Variants in GRID1 observed in about 807,000 individuals in gnomAD.
GRID1 encodes glutamate ionotropic receptor delta type subunit 1.
In GRID1, 28 loss-of-function variants were observed where a neutral mutation model predicts 98.0. The ratio of observed to expected loss-of-function variants is 0.29; its 90% CI spans 0.21 to 0.39. The LOEUF is 0.39. GRID1 is among the 10% of genes least tolerant of loss of function. The probability of loss-of-function intolerance (pLI) is 1.00; values close to 1 mark genes in which losing one functional copy is unlikely to be tolerated. For missense variants in GRID1, 1,111 were observed against 1,340.5 expected, an observed-to-expected ratio of 0.83 and a Z score of 2.67; for synonymous variants, 553 against 538.5, an observed-to-expected ratio of 1.03 and a Z score of -0.37.
intron 4 of GRID1, among the ~76,000 whole-genome samples, chr10:85,967,585 CT>C (rs1239556627): frequency 1.3e-5 from 2 of 151,972 alleles, no homozygotes; most frequent in African/African-American, 4.8e-5. Context: ...AAAATCGTGT[CT>C]AAAAAAATTA....
chr10:85,759,672 A>G (rs891168986), intron 8 of GRID1, among the ~76,000 whole-genome samples: 3 of 152,198 alleles, frequency 2.0e-5, no homozygotes, highest in African/African-American at 7.2e-5. Flanking sequence ...TGAAGGCGAA[A>G]TCATGTTTCT....
intron 5 of GRID1, among the ~76,000 whole-genome samples, chr10:85,879,437 T>C (rs375889363): frequency 2.6e-5 from 4 of 152,080 alleles, no homozygotes; most frequent in Non-Finnish European, 4.4e-5. Context: ...GACCACAGTG[T>C]AATCAAACTA....
intron 2 of GRID1, among the ~76,000 whole-genome samples, chr10:86,311,384 C>G (rs1308631178): frequency 6.6e-6 from 1 of 152,190 alleles, no homozygotes; most frequent in African/African-American, 2.4e-5. Context: ...CTAATCAGGA[C>G]AGCAGATGGG....
chr10:85,932,860 C>G (rs542592629), intron 4 of GRID1, among the ~76,000 whole-genome samples: 2 of 152,070 alleles, frequency 1.3e-5, no homozygotes, highest in African/African-American at 4.8e-5. Flanking sequence ...GAGGGAAAAT[C>G]GGCAGCAAAA....
Position 85,818,981 on chromosome 10 carries a change from A to C in GRID1, c.1233+35515T>G, listed in dbSNP as rs563604413. Among the ~76,000 whole-genome samples the C allele has an allele frequency of 2.6e-5, 4 of 152,258 alleles. No homozygotes were observed. In the East Asian group the frequency reaches 7.7e-4, roughly 29 times the overall value. On this transcript the variant is annotated intron_variant, in intron 8 of 15. Coordinates refer to ENST00000327946, the MANE Select transcript of GRID1 (RefSeq NM_017551.3). ...AGTGATCCGCCCGCCTCAGCCTCCC[A>C]AAGTGCTGGGATTACAGGAGTGAGC...
intron 2 of GRID1, among the ~76,000 whole-genome samples, chr10:86,242,773 T>C (rs998266450): frequency 6.6e-6 from 1 of 152,204 alleles, no homozygotes; most frequent in Non-Finnish European, 1.5e-5. Context: ...GTGCTTTGCA[T>C]GGTGACCTTG....
chr10:86,200,587 T>C (rs925246538), intron 3 of GRID1, among the ~76,000 whole-genome samples: 2 of 152,148 alleles, frequency 1.3e-5, no homozygotes, highest in African/African-American at 4.8e-5. Context: ...CTTTCTGACA[T>C]TCAGGTAGGA....
At chr10:85,884,027 A>G (rs914835809) in intron 5 of GRID1, among the ~76,000 whole-genome samples, 1 of 152,194 alleles carries the variant, frequency 6.6e-6, no homozygotes, top group African/African-American at 2.4e-5. Context: ...CACAATCATA[A>G]GAAAAAATCT....
chr10:85,715,804 T>C (rs1357866610), intron 12 of GRID1, among the ~76,000 whole-genome samples: 1 of 152,186 alleles, frequency 6.6e-6, no homozygotes, highest in Non-Finnish European at 1.5e-5. Context: ...TACTTCTTAA[T>C]ACAGAGCCAA....
At chr10:85,607,430 T>C (rs748493133) in intron 15 of GRID1, among the ~76,000 whole-genome samples, 11 of 152,150 alleles carry the variant, frequency 7.2e-5, no homozygotes, top group Non-Finnish European at 1.6e-4. Flanking sequence ...GGAGAAATGC[T>C]ACCAACACAA....
intron 13 of GRID1, among the ~76,000 whole-genome samples, chr10:85,639,613 C>T (rs1843090496): frequency 1.3e-5 from 2 of 152,176 alleles, no homozygotes; most frequent in South Asian, 4.1e-4. Context: ...GTGGCTCACG[C>T]CTGTAATCCC....
At chr10:85,876,150 C>G (rs1283990629) in intron 5 of GRID1, among the ~76,000 whole-genome samples, 1 of 152,152 alleles carries the variant, frequency 6.6e-6, no homozygotes, top group Non-Finnish European at 1.5e-5. Flanking sequence ...AACAAATTAT[C>G]ATAAACTTAG....
At chr10:85,881,232 C>A (rs933419498) in intron 5 of GRID1, among the ~76,000 whole-genome samples, 39 of 152,274 alleles carry the variant, frequency 2.6e-4, no homozygotes, top group Non-Finnish European at 5.3e-4. Flanking sequence ...CCATCCCCAT[C>A]AAGCTACCAA....
At chr10:85,984,793 C>A (rs868014416) in intron 4 of GRID1, among the ~76,000 whole-genome samples, 3 of 152,158 alleles carry the variant, frequency 2.0e-5, no homozygotes, top group Admixed American at 6.5e-5. Flanking sequence ...ACAGCCCCCA[C>A]CTTGAGTCCC....
At position 86,206,741 on chromosome 10, in the gene GRID1, C is replaced by T; in HGVS notation, c.236-93G>A. 1.7e-6 allele frequency: 2 copies of T among 1,211,958 alleles called. No individual in the cohort carries two copies. Among genetic ancestry groups the T allele is most frequent in the Non-Finnish European group, 2.3e-6 (2 of 865,508 alleles). 75.1% of individuals were successfully genotyped at this position (1,211,958 alleles called of 1,614,324 possible). On this transcript the variant is annotated intron_variant, in intron 2 of 15. Transcript: ENST00000327946. The surrounding 1 kb of genome is among the most constrained non-coding windows in gnomAD (Gnocchi z 4.1). ...AGGCCCCATGCCTGGCAGCTCATGC[C>T]CAGGACTCCCAAGAGAGGCTGCCTC...
intron 4 of GRID1, among the ~76,000 whole-genome samples, chr10:86,015,520 C>G (rs1275630510): frequency 6.6e-6 from 1 of 152,214 alleles, no homozygotes; most frequent in African/African-American, 2.4e-5. Flanking sequence ...TGCAAGCACT[C>G]TAAGAGAATA....
intron 2 of GRID1, among the ~76,000 whole-genome samples, chr10:86,335,658 G>C (rs74149541): frequency 0.077 from 11,707 of 152,206 alleles, 926 homozygotes; most frequent in East Asian, 0.43. Context: ...CACTCATGAG[G>C]TCTCTCTCAT....
chr10:85,639,401 G>C (rs1307125628), intron 13 of GRID1, among the ~76,000 whole-genome samples: 1 of 152,160 alleles, frequency 6.6e-6, no homozygotes, highest in African/African-American at 2.4e-5. Context: ...ATCTGCAAGC[G>C]GTTGTCTCTG....
At chr10:86,364,821 C>T (rs1439042389) in intron 1 of GRID1, among the ~76,000 whole-genome samples, 2 of 152,236 alleles carry the variant, frequency 1.3e-5, no homozygotes, top group Admixed American at 6.5e-5. Flanking sequence ...GCTGGGGGTC[C>T]CAGAAGGAGC....
Sources: gnomAD v4.1 joint callset for allele counts (sites outside exome capture counted in the v4.1 genomes callset) on GRCh38, gnomAD v4.1.1 for gene constraint, Gnocchi (gnomAD v3.1) non-coding constraint, MANE v1.5 for transcripts, NCBI Gene and HGNC (gene_info 2026-07-23, HGNC 2026-07-21) for gene names.